SNRPN: variants seen among roughly 807,000 people sequenced by gnomAD.
SNRPN encodes small nuclear ribonucleoprotein polypeptide N, also known as small nuclear ribonucleoprotein-associated protein N.
SNRPN carries 7 observed loss-of-function variants against 25.2 expected under a neutral mutation model. That is an observed-to-expected ratio of 0.28 (90% CI 0.16 to 0.52). SNRPN has a LOEUF of 0.52. Ranked by LOEUF, SNRPN falls within the 20% of genes least tolerant of loss-of-function variation. SNRPN has a pLI of 0.96. For synonymous variants in SNRPN, 124 were observed against 110.6 expected, an observed-to-expected ratio of 1.12 and a Z score of -0.76; for missense variants, 196 against 322.5, an observed-to-expected ratio of 0.61 and a Z score of 3.00.
chr15:24,929,736 G>C lies in SNRPN; in HGVS notation c.-391+9612G>C, dbSNP rs1165305178. Reference sequence around the variant, plus strand: ...TATTTTATTTTCCTGTTGAATGGTAGACAGCATGAGAGCAGGGTCCATGTG... The same window carrying C: ...TATTTTATTTTCCTGTTGAATGGTACACAGCATGAGAGCAGGGTCCATGTG... On this transcript the variant is annotated intron_variant, in intron 3 of 11. Coordinates refer to the SNRPN transcript ENST00000400097. The surrounding 1 kb of genome is among the most constrained non-coding windows in gnomAD (Gnocchi z 5.3). Among the ~76,000 whole-genome samples, 1 of 152,152 alleles carries C rather than the reference G, an allele frequency of 6.6e-6. No individual in the cohort carries two copies. The highest frequency in any genetic ancestry group is 2.1e-4 in the South Asian group (1 of 4,834).
chr15:24,944,056 A>G (rs994489141), intron 3 of SNRPN, among the ~76,000 whole-genome samples: 2 of 152,132 alleles, frequency 1.3e-5, no homozygotes, highest in African/African-American at 2.4e-5. Flanking sequence ...TCCTGACCTC[A>G]AGTGATCTAT....
At chr15:24,923,610 T>C (rs1469387110) in intron 3 of SNRPN, among the ~76,000 whole-genome samples, 1 of 152,194 alleles carries the variant, frequency 6.6e-6, no homozygotes, top group Non-Finnish European at 1.5e-5. Flanking sequence ...AGGAATTCAA[T>C]GGAATTCAAC....
intron 3 of SNRPN, among the ~76,000 whole-genome samples, chr15:24,973,076 T>G (rs2076633186): frequency 6.6e-6 from 1 of 151,896 alleles, no homozygotes; most frequent in African/African-American, 2.4e-5. Context: ...TTAGTAGAGA[T>G]AGGGTTTTCG....
intron 3 of SNRPN, among the ~76,000 whole-genome samples, chr15:24,922,192 G>A (rs1339959076): frequency 7.9e-5 from 12 of 152,080 alleles, no homozygotes; most frequent in Admixed American, 5.2e-4. Flanking sequence ...TAGCATGGGC[G>A]ACAAAAGCAA....
chr15:24,894,197 G>A (rs1428485862), intron 2 of SNRPN, among the ~76,000 whole-genome samples: 2 of 151,784 alleles, frequency 1.3e-5, no homozygotes, highest in Non-Finnish European at 2.9e-5. Flanking sequence ...GCCCCATCAA[G>A]TGGAAAACCA....
chr15:24,971,996 C>G (rs955179689), intron 3 of SNRPN, among the ~76,000 whole-genome samples: 1 of 152,170 alleles, frequency 6.6e-6, no homozygotes. Context: ...TGGCTCATGC[C>G]TGTAATCCTA....
intron 1 of SNRPN, among the ~76,000 whole-genome samples, chr15:24,825,690 T>C (rs1047186026): frequency 1.1e-4 from 16 of 152,142 alleles, no homozygotes; most frequent in African/African-American, 3.9e-4. Context: ...AGAACACTTA[T>C]ATTTGCCTAC....
At chr15:24,852,392 T>C (rs556802034), upstream of SNRPN, 48 of 152,316 alleles carry the variant, frequency 3.2e-4, 1 homozygote, top group Admixed American at 1.0e-3. Context: ...GGCATCATCA[T>C]AGGGTCTACC....
intron 3 of SNRPN, among the ~76,000 whole-genome samples, chr15:24,971,342 A>C (rs1005033502): frequency 6.6e-6 from 1 of 151,780 alleles, no homozygotes; most frequent in African/African-American, 2.4e-5. Flanking sequence ...AAATTTGACC[A>C]CTCTGCAGTG....
intron 2 of SNRPN, among the ~76,000 whole-genome samples, chr15:24,904,472 T>C (rs1193828556): frequency 2.6e-5 from 4 of 152,050 alleles, no homozygotes; most frequent in Non-Finnish European, 4.4e-5. Context: ...CTGGCCAACA[T>C]GGTGAAACCC....
At chr15:24,934,933 G>A (rs563405908) in intron 3 of SNRPN, among the ~76,000 whole-genome samples, 7 of 152,262 alleles carry the variant, frequency 4.6e-5, no homozygotes, top group African/African-American at 1.7e-4. Context: ...TCACAAGTTA[G>A]CAAGATAAAA....
chr15:24,898,895 A>T (rs2151281996), intron 2 of SNRPN, among the ~76,000 whole-genome samples: 1 of 152,292 alleles, frequency 6.6e-6, no homozygotes, highest in East Asian at 1.9e-4. Flanking sequence ...CTGGGACCCC[A>T]TGCTATTTAT....
At chr15:24,854,855 C>G (rs1361951273), upstream of SNRPN, among the ~76,000 whole-genome samples, 1 of 152,022 alleles carries the variant, frequency 6.6e-6, no homozygotes, top group Non-Finnish European at 1.5e-5. Flanking sequence ...ACAAATTTAG[C>G]TGGGTGTGGT....
intron 2 of SNRPN, among the ~76,000 whole-genome samples, chr15:24,837,661 G>T (rs535898470): frequency 6.6e-6 from 1 of 151,876 alleles, no homozygotes; most frequent in Non-Finnish European, 1.5e-5. Flanking sequence ...GAGCCACCAT[G>T]CCCGGCTTGG....
Position 24,978,691 on chromosome 15 carries a change from A to G in SNRPN, c.*247A>G, listed in dbSNP as rs2077331058. On this transcript the variant is annotated 3_prime_UTR_variant, in exon 10 of 10. Transcript: ENST00000390687. The stretch of plus-strand genomic sequence containing the variant: ...GTTGATTCAAATCATATTCTCTTTA[A>G]TTCTTAGGATAAAAAGGTTTTCTGC... 2 of 539,568 alleles carry G rather than the reference A, an allele frequency of 3.7e-6. No homozygotes were observed. Among genetic ancestry groups the G allele is most frequent in the African/African-American group, 3.8e-5 (2 of 52,338 alleles). 33.4% of individuals were successfully genotyped at this position (539,568 alleles called of 1,614,324 possible).
chr15:24,840,178 T>C (rs1218557003), intron 2 of SNRPN, among the ~76,000 whole-genome samples: 1 of 152,126 alleles, frequency 6.6e-6, no homozygotes, highest in Middle Eastern at 3.2e-3. Flanking sequence ...ACCAATGTGA[T>C]GAAACCCCAT....
chr15:24,846,375 G>A (rs565525878), intron 2 of SNRPN, among the ~76,000 whole-genome samples: 1 of 152,262 alleles, frequency 6.6e-6, no homozygotes, highest in South Asian at 2.1e-4. Flanking sequence ...TGGCAGCCAT[G>A]TGGTATATAC....
intron 1 of SNRPN, among the ~76,000 whole-genome samples, chr15:24,868,368 G>C (rs1052070522): frequency 2.0e-5 from 3 of 152,158 alleles, no homozygotes; most frequent in African/African-American, 7.2e-5. Flanking sequence ...TCCAGAGGCT[G>C]CATTCAGCTC....
At chr15:24,901,491 G>A (rs34249495) in intron 2 of SNRPN, among the ~76,000 whole-genome samples, 46,769 of 151,984 alleles carry the variant, frequency 0.31, 7,794 homozygotes, top group South Asian at 0.45. Context: ...GATACCACAC[G>A]GACCATGAAA....
Sources: allele counts gnomAD v4.1 joint callset (sites outside exome capture counted in the v4.1 genomes callset), GRCh38; gene constraint gnomAD v4.1.1; non-coding constraint Gnocchi (gnomAD v3.1); transcripts MANE v1.5; gene names NCBI Gene and HGNC (gene_info 2026-07-23, HGNC 2026-07-21).